Variants in CFAP92 observed in about 807,000 individuals in gnomAD.
CFAP92 encodes uncharacterized protein CFAP92.
In CFAP92, 86 loss-of-function variants were observed where a neutral mutation model predicts 106.3. The observed-to-expected ratio is 0.81, with a 90% CI of 0.68 to 0.97. CFAP92 has a LOEUF of 0.97. Among genes scored for constraint, CFAP92 ranks in the 50% least tolerant of loss-of-function variants. The pLI, the probability that CFAP92 is intolerant of heterozygous loss-of-function variation, is 0.00. For missense variants in CFAP92, 1,204 were observed against 1,283.8 expected, an observed-to-expected ratio of 0.94 and a Z score of 0.95; for synonymous variants, 477 against 506.4, an observed-to-expected ratio of 0.94 and a Z score of 0.78.
chr3:129,024,231 T>TA, the CFAP92 span, among the ~76,000 whole-genome samples: 1 of 152,000 alleles, frequency 6.6e-6, no homozygotes, highest in African/African-American at 2.4e-5. Context: ...GGGTAATTTA[T>TA]AAAGAAAAGA....
At chr3:129,012,363 A>G in the CFAP92 span, among the ~76,000 whole-genome samples, 1 of 152,060 alleles carries the variant, frequency 6.6e-6, no homozygotes, top group Non-Finnish European at 1.5e-5. Context: ...CATTTGCTAC[A>G]CACTCCTCGG....
chr3:128,952,941 G>C (rs1480125523), intron 9 of CFAP92, among the ~76,000 whole-genome samples: 1 of 152,080 alleles, frequency 6.6e-6, no homozygotes, highest in Non-Finnish European at 1.5e-5. Context: ...AAATTAGCCA[G>C]GCATGTTGAC....
At chr3:128,996,706 A>G (rs1398940547), upstream of CFAP92, among the ~76,000 whole-genome samples, 1 of 152,262 alleles carries the variant, frequency 6.6e-6, no homozygotes, top group African/African-American at 2.4e-5. Flanking sequence ...TCAGCTGAGT[A>G]GTTCTCTGCT....
intron 9 of CFAP92, among the ~76,000 whole-genome samples, chr3:128,960,901 G>A (rs997796688): frequency 2.0e-5 from 3 of 152,200 alleles, no homozygotes; most frequent in Middle Eastern, 3.4e-3. Context: ...GGCAAGTCCC[G>A]CTTTTCTAGG....
intron 4 of CFAP92, 70 bp downstream of exon 4, chr3:128,987,546 C>A (rs1943934677): frequency 1.5e-6 from 2 of 1,371,840 alleles, no homozygotes; most frequent in Non-Finnish European, 2.1e-6. Flanking sequence ...CCAGGAGACA[C>A]TGGCTTTTAT....
rs191701741 is a variant in CFAP92 at position 128,990,333 on chromosome 3, C to T, written c.263-1415G>A. Among the ~76,000 whole-genome samples, 172 of 152,314 alleles carry T rather than the reference C, an allele frequency of 1.1e-3. 1 individual carries two copies. The Middle Eastern group carries it at 0.02, about 18-fold the overall frequency. On this transcript the variant is annotated intron_variant, in intron 2 of 15. Coordinates refer to ENST00000645291, the MANE Select transcript of CFAP92 (RefSeq NM_001394090.1). ...CCAACATGGCGAAACCCCGTCTCTA[C>T]TAAAAATACAAAAATTAGCTGGGCA...
intron 9 of CFAP92, among the ~76,000 whole-genome samples, chr3:128,958,907 A>AT (rs147098006): frequency 2.6e-5 from 4 of 151,920 alleles, no homozygotes; most frequent in East Asian, 1.9e-4. Context: ...TCTCAAAAAA[A>AT]TTTTTTTAAA....
chr3:128,964,641 A>T (rs966108020), intron 9 of CFAP92, among the ~76,000 whole-genome samples: 93 of 152,262 alleles, frequency 6.1e-4, no homozygotes, highest in Non-Finnish European at 1.1e-3. Context: ...CAATTCTTAG[A>T]CCTTTTATAC....
intron 9 of CFAP92, among the ~76,000 whole-genome samples, chr3:128,956,322 A>T (rs986416358): frequency 1.3e-5 from 2 of 151,720 alleles, no homozygotes; most frequent in Non-Finnish European, 1.5e-5. Context: ...GCCCTGTGGG[A>T]CTAAAACAAA....
At chr3:128,987,920 C>T (rs1943961582) in intron 3 of CFAP92, 91 bp from the exon 4 acceptor site, 1 of 1,105,556 alleles carries the variant, frequency 9.0e-7, no homozygotes. Context: ...GCCTGGCCCT[C>T]AGCAGCAGCG....
intron 1 of CFAP92, chr3:128,993,598 G>C (rs1482270815): frequency 6.9e-6 from 3 of 435,878 alleles, no homozygotes; most frequent in East Asian, 9.2e-5. Flanking sequence ...GCCTAACCAG[G>C]AGTCAGTCGC....
rs201495079 is a variant in CFAP92, at chr3:128,959,067, G to A, written c.1353+6444C>T. On this transcript the variant is annotated intron_variant, in intron 9 of 15. Coordinates refer to ENST00000645291, the MANE Select transcript of CFAP92 (RefSeq NM_001394090.1). ...CTCTACTAAAAATACAAAATTAGCCGGGCGTGGTGGCAAATGCCTGTAATC... is the reference window on the plus strand; with the variant it reads ...CTCTACTAAAAATACAAAATTAGCCAGGCGTGGTGGCAAATGCCTGTAATC... Among the ~76,000 whole-genome samples the A allele has an allele frequency of 1.1e-4, 17 of 152,146 alleles. No individual in the cohort carries two copies. The East Asian group carries it at 1.4e-3, about 12-fold the overall frequency.
intron 9 of CFAP92, among the ~76,000 whole-genome samples, chr3:128,960,045 G>A (rs1303208776): frequency 6.6e-6 from 1 of 152,108 alleles, no homozygotes; most frequent in Non-Finnish European, 1.5e-5. Context: ...TCTTGAGAAT[G>A]TATTTTGTGA....
intron 12 of CFAP92, among the ~76,000 whole-genome samples, chr3:128,932,396 C>T (rs1938496577): frequency 6.6e-6 from 1 of 151,846 alleles, no homozygotes; most frequent in South Asian, 2.1e-4. Context: ...CACACACACA[C>T]ATGCCACAGT....
chr3:128,973,649 T>C (rs1942960951), intron 7 of CFAP92, among the ~76,000 whole-genome samples: 1 of 139,440 alleles, frequency 7.2e-6, no homozygotes, highest in African/African-American at 2.7e-5. Context: ...AGAGCAGAAC[T>C]CTGTCTCAAG....
chr3:128,934,775 C>T (rs1938801705), intron 11 of CFAP92, among the ~76,000 whole-genome samples: 1 of 152,190 alleles, frequency 6.6e-6, no homozygotes. Flanking sequence ...AAGCCATCCT[C>T]CCACCTCAGC....
chr3:128,933,987 C>T (rs960828352), intron 11 of CFAP92, among the ~76,000 whole-genome samples: 4 of 152,190 alleles, frequency 2.6e-5, no homozygotes, highest in African/African-American at 7.2e-5. Flanking sequence ...AGGGTTTGTA[C>T]CTCCTGCCCC....
At chr3:128,991,259 G>A (rs1944195686) in intron 2 of CFAP92, among the ~76,000 whole-genome samples, 1 of 152,168 alleles carries the variant, frequency 6.6e-6, no homozygotes, top group Non-Finnish European at 1.5e-5. Flanking sequence ...AGACCCAAGA[G>A]TAAAGGCATC....
At position 128,932,787 on chromosome 3, in the gene CFAP92, T is replaced by C. The variant is rs146879240; in HGVS notation, c.2664A>G (p.Leu888=). 13 of 1,536,156 alleles carry C rather than the reference T, an allele frequency of 8.5e-6. No individual in the cohort carries two copies. The African/African-American group carries it at 1.5e-4, about 18-fold the overall frequency. ...ACTTCTCCTGGTGGGCGTGGATCTCTAAGGTGAGGGTGGAGTTCCGACTGT... is the reference window on the plus strand; with the variant it reads ...ACTTCTCCTGGTGGGCGTGGATCTCCAAGGTGAGGGTGGAGTTCCGACTGT... ...DYHSRNSTLT[L]EIHAHQEKYL... is the part of the protein sequence containing the mutation. The change falls in exon 12 of 16, where the codon TTA becomes TTG. Residue 888 remains leucine, a synonymous_variant. Transcript: ENST00000645291.
Sources: allele counts gnomAD v4.1 joint callset (sites outside exome capture counted in the v4.1 genomes callset), GRCh38; gene constraint gnomAD v4.1.1; transcripts MANE v1.5; gene names NCBI Gene and HGNC (gene_info 2026-07-23, HGNC 2026-07-21).